KIF25: variants seen among roughly 807,000 people sequenced by gnomAD.
KIF25 encodes the protein kinesin-like protein KIF25.
A neutral mutation model predicts 32.9 loss-of-function variants in KIF25; 19 were observed. The observed-to-expected ratio is 0.58, with a 90% CI of 0.40 to 0.85. KIF25 has a LOEUF of 0.85. Ranked by LOEUF, KIF25 falls within the 40% of genes least tolerant of loss-of-function variation. The pLI, the probability that KIF25 is intolerant of heterozygous loss-of-function variation, is 0.00. For missense variants in KIF25, 485 were observed against 507.0 expected (o/e 0.96, Z 0.42); for synonymous variants, 225 against 213.7 (o/e 1.05, Z -0.46).
At chr6:168,007,845 C>T (rs191548782) in intron 4 of KIF25, among the ~76,000 whole-genome samples, 2 of 152,138 alleles carry the variant, frequency 1.3e-5, no homozygotes, top group South Asian at 2.1e-4. Context: ...CTCATAGGTA[C>T]CTTTTATTTC....
intron 5 of KIF25, among the ~76,000 whole-genome samples, chr6:168,020,045 C>A (rs564896228): frequency 3.3e-5 from 5 of 152,210 alleles, no homozygotes; most frequent in South Asian, 4.2e-4. Context: ...GCAGGAGAAT[C>A]GCTTGAACTC....
At chr6:168,019,305 G>A (rs999952059) in intron 5 of KIF25, among the ~76,000 whole-genome samples, 3 of 152,152 alleles carry the variant, frequency 2.0e-5, no homozygotes, top group Non-Finnish European at 2.9e-5. Flanking sequence ...CTCAGGCAAC[G>A]GAAATAGAGC....
intron 6 of KIF25, among the ~76,000 whole-genome samples, chr6:168,030,060 G>T (rs1390870984): frequency 6.6e-6 from 1 of 152,240 alleles, no homozygotes; most frequent in Non-Finnish European, 1.5e-5. Flanking sequence ...AACCACCAGT[G>T]CTGGGCAGCT....
Position 168,033,999 on chromosome 6 carries a change from A to T in KIF25, c.285A>T (p.Gly95=), listed in dbSNP as rs1798979893. 3 of 1,614,172 alleles carry T rather than the reference A, an allele frequency of 1.9e-6. No individual in the cohort carries two copies. The East Asian group carries it at 6.7e-5, about 36-fold the overall frequency. The part of the protein sequence containing the change: ...VLPLDPQSDL[G]IIPRVAEELF... ...CGCTTGACCCACAGAGTGACTTAGG[A>T]ATTATCCCTAGAGTGGCTGAGGAGC... Residue 95 remains glycine, a synonymous_variant, in exon 8 of 13, where the codon GGA becomes GGT. Transcript: ENST00000643607.
chr6:168,040,314 C>T (rs1216905865), intron 10 of KIF25, 98 bp downstream of exon 10: 33 of 1,269,552 alleles, frequency 2.6e-5, no homozygotes, highest in Non-Finnish European at 3.2e-6. Context: ...GCCTGTAATC[C>T]CAGCACTTTG....
intron 4 of KIF25, among the ~76,000 whole-genome samples, chr6:168,012,257 T>A (rs1798658169): frequency 6.6e-6 from 1 of 152,246 alleles, no homozygotes; most frequent in South Asian, 2.1e-4. Context: ...CCCTGCTTTT[T>A]CATGGTTGCT....
intron 12 of KIF25, among the ~76,000 whole-genome samples, chr6:168,043,945 G>A (rs997064239): frequency 1.4e-4 from 21 of 152,254 alleles, no homozygotes; most frequent in Non-Finnish European, 5.9e-5. Flanking sequence ...AGGGGGGCCT[G>A]AGGGAGCCAC....
At chr6:168,004,773 G>A (rs998868270) in intron 4 of KIF25, among the ~76,000 whole-genome samples, 3 of 152,182 alleles carry the variant, frequency 2.0e-5, no homozygotes, top group African/African-American at 7.2e-5. Context: ...GTTCAGGGTT[G>A]CCTCAAACCC....
At chr6:168,020,037 A>T (rs1421467152) in intron 5 of KIF25, among the ~76,000 whole-genome samples, 1 of 152,168 alleles carries the variant, frequency 6.6e-6, no homozygotes, top group Non-Finnish European at 1.5e-5. Flanking sequence ...AGGCTGAGGC[A>T]GGAGAATCGC....
intron 5 of KIF25, among the ~76,000 whole-genome samples, chr6:168,019,564 G>A (rs542240634): frequency 6.6e-6 from 1 of 152,324 alleles, no homozygotes; most frequent in South Asian, 2.1e-4. Flanking sequence ...CGTGAAACCA[G>A]GGAGACTCCA....
At chr6:168,013,401 C>T (rs986041642) in intron 4 of KIF25, among the ~76,000 whole-genome samples, 2 of 151,926 alleles carry the variant, frequency 1.3e-5, no homozygotes, top group Non-Finnish European at 2.9e-5. Flanking sequence ...TTCAGCCACC[C>T]GTGTAGGCTT....
rs1410260043 is a variant in KIF25 at position 167,998,212 on chromosome 6, A to G, written c.-1257A>G. 6.6e-6 allele frequency: 1 copy of G among 151,996 alleles called. No homozygotes were observed. The highest frequency in any genetic ancestry group is 1.5e-5 in the Non-Finnish European group (1 of 67,994). The allele number at this position is 151,996 out of a possible 1,614,324, so 9.4% of individuals were successfully genotyped here. A position where few individuals can be genotyped will look rare whatever the true frequency, so the allele number is the denominator to read the frequency against. Reference sequence around the variant, plus strand: ...GAAAAAGATAATATGAACCTTCCTAAGATGGAGTCAAGTCCCACAAGGAAG... The same window carrying G: ...GAAAAAGATAATATGAACCTTCCTAGGATGGAGTCAAGTCCCACAAGGAAG... On this transcript the variant is annotated 5_prime_UTR_variant, in exon 1 of 13. Coordinates refer to ENST00000643607, the MANE Select transcript of KIF25 (RefSeq NM_030615.4).
intron 4 of KIF25, among the ~76,000 whole-genome samples, chr6:168,011,153 T>C (rs1182740096): frequency 6.6e-6 from 1 of 152,174 alleles, no homozygotes; most frequent in Non-Finnish European, 1.5e-5. Flanking sequence ...TGTCATTTTA[T>C]TGACTGCTTT....
At chr6:168,021,101 A>T (rs1167259269) in intron 5 of KIF25, among the ~76,000 whole-genome samples, 1 of 152,246 alleles carries the variant, frequency 6.6e-6, no homozygotes, top group Admixed American at 6.5e-5. Flanking sequence ...AGACAGCGTG[A>T]TAGAGGCAAA....
intron 3 of KIF25, among the ~76,000 whole-genome samples, chr6:168,003,044 C>T (rs1048998003): frequency 3.3e-5 from 5 of 152,340 alleles, no homozygotes; most frequent in African/African-American, 9.6e-5. Context: ...AGAAGCTTTG[C>T]TCACTTGCGC....
In KIF25 at chr6:168,040,096, C is replaced by T; in HGVS notation, c.526C>T (p.Leu176Phe). The change falls in exon 10 of 13, where the codon CTC becomes TTC. Residue 176 changes from leucine (L) to phenylalanine (F), a missense_variant. Coordinates refer to ENST00000643607, the MANE Select transcript of KIF25 (RefSeq NM_030615.4). ...AVGSASKLME[L>F]VHGGLQLRAK... The stretch of plus-strand genomic sequence containing the variant: ...CGGCAGCGCCTCGAAACTGATGGAG[C>T]TCGTTCATGGAGGTCTGCAGCTCAG... 1 of 1,613,808 alleles carries T rather than the reference C, an allele frequency of 6.2e-7. No homozygotes were observed. The highest frequency in any genetic ancestry group is 2.2e-5 in the East Asian group (1 of 44,866).
At chr6:168,031,509 AG>A in intron 7 of KIF25, among the ~76,000 whole-genome samples, 1 of 152,332 alleles carries the variant, frequency 6.6e-6, no homozygotes, top group East Asian at 1.9e-4. Flanking sequence ...CGCGTCCCAA[AG>A]GCACATGATC....
chr6:168,038,740 C>T lies in KIF25; in HGVS notation c.494+11C>T, dbSNP rs375619699. 33 of 1,610,496 alleles carry T rather than the reference C, an allele frequency of 2.0e-5. No homozygotes were observed. The African/African-American group carries it at 3.7e-4, about 18-fold the overall frequency. The stretch of plus-strand genomic sequence containing the variant: ...GCTGCTGGCCTCTGAGTGAGTACTG[C>T]ACCTGCCCCGTGCTGCTGGCCTCTG... On this transcript the variant is annotated intron_variant, in intron 9 of 12. Coordinates refer to ENST00000643607, the MANE Select transcript of KIF25 (RefSeq NM_030615.4).
intron 7 of KIF25, among the ~76,000 whole-genome samples, chr6:168,033,361 G>A (rs140269687): frequency 7.9e-5 from 12 of 152,234 alleles, no homozygotes; most frequent in Middle Eastern, 3.4e-3. Context: ...TTAGCTGGGC[G>A]TGCTGATGCA....
Sources: gnomAD v4.1 joint callset for allele counts (sites outside exome capture counted in the v4.1 genomes callset) on GRCh38, gnomAD v4.1.1 for gene constraint, MANE v1.5 for transcripts, NCBI Gene and HGNC (gene_info 2026-07-23, HGNC 2026-07-21) for gene names.